Variants in LYPD5 observed in about 807,000 individuals in gnomAD.
LYPD5 encodes LY6/PLAUR domain containing 5.
A neutral mutation model predicts 19.1 loss-of-function variants in LYPD5; 21 were observed. That is an observed-to-expected ratio of 1.10 (90% CI 0.78 to 1.58). The LOEUF is 1.58. Ranked by LOEUF, LYPD5 falls within the 40% of genes most tolerant of loss-of-function variation. LYPD5 has a pLI of 0.00. For missense variants in LYPD5, 287 were observed against 329.8 expected, an observed-to-expected ratio of 0.87 and a Z score of 1.00; for synonymous variants, 128 against 142.7, an observed-to-expected ratio of 0.90 and a Z score of 0.74.
intron 1 of LYPD5, among the ~76,000 whole-genome samples, chr19:43,815,391 C>A (rs750809039): frequency 6.7e-6 from 1 of 149,586 alleles, no homozygotes; most frequent in Non-Finnish European, 1.5e-5. Context: ...ATGGGCAACA[C>A]ACGGAGACCC....
At chr19:43,804,477 A>G (rs1394246992), upstream of LYPD5, among the ~76,000 whole-genome samples, 4 of 152,180 alleles carry the variant, frequency 2.6e-5, no homozygotes, top group African/African-American at 9.7e-5. Flanking sequence ...TAACTCACCT[A>G]GGGCTTAACC....
upstream of LYPD5, among the ~76,000 whole-genome samples, chr19:43,805,762 C>G (rs1970265884): frequency 2.0e-5 from 3 of 152,232 alleles, no homozygotes; most frequent in Admixed American, 1.3e-4. Flanking sequence ...CCCGCCTCGG[C>G]CTCCCAAAGT....
Position 43,802,368 on chromosome 19 carries a change from C to G in LYPD5, c.13G>C (p.Val5Leu). The change falls in exon 1 of 5, where the codon GTC becomes CTC. Residue 5 changes from valine to leucine, a missense_variant. Physicochemically the swap from Val to Leu is conservative, Grantham distance 32. Transcript: ENST00000377950. MAMG[V>L]PRVILLCLFG... ...AGGCAGAGCAGAATGACTCTGGGGA[C>G]CCCCATTGCCATTGCTGAGCTGGGC... 1 of 1,551,602 alleles carries G rather than the reference C, an allele frequency of 6.4e-7. No individual in the cohort carries two copies. The highest frequency in any genetic ancestry group is 8.7e-7 in the Non-Finnish European group (1 of 1,146,944).
rs1239529871 is a variant in LYPD5 at position 43,797,027 on chromosome 19, G to T, written c.*564C>A. 1 of 150,292 alleles carries T rather than the reference G, an allele frequency of 6.7e-6. No individual in the cohort carries two copies. The highest frequency in any genetic ancestry group is 2.1e-4 in the South Asian group (1 of 4,750). 9.3% of individuals were successfully genotyped at this position (150,292 alleles called of 1,614,324 possible). ...GCCTGGCTTAAGTAACTCACCCATGGTCTCTGTAGGCTGAATGCTGGAGCT... is the reference window on the plus strand; with the variant it reads ...GCCTGGCTTAAGTAACTCACCCATGTTCTCTGTAGGCTGAATGCTGGAGCT... On this transcript the variant is annotated 3_prime_UTR_variant, in exon 5 of 5. Transcript: ENST00000377950.
At chr19:43,810,989 C>T (rs1970318879) in intron 1 of LYPD5, among the ~76,000 whole-genome samples, 1 of 152,134 alleles carries the variant, frequency 6.6e-6, no homozygotes, top group African/African-American at 2.4e-5. Context: ...ACAGCGTGAT[C>T]AAACACCTTT....
chr19:43,801,538 CATAGAG>C (rs1970223695), intron 1 of LYPD5, among the ~76,000 whole-genome samples: 1 of 152,102 alleles, frequency 6.6e-6, no homozygotes, highest in South Asian at 2.1e-4. Flanking sequence ...AGCATATATA[CATAGAG>C]ATAAATATAG....
intron 1 of LYPD5, among the ~76,000 whole-genome samples, chr19:43,818,949 A>G (rs1970395703): frequency 6.6e-6 from 1 of 152,204 alleles, no homozygotes; most frequent in Admixed American, 6.5e-5. Flanking sequence ...CTTTCTAGGA[A>G]ATTGACCATT....
At chr19:43,799,098 C>CTCCCTCCG in intron 2 of LYPD5, 110 bp from the exon 3 acceptor site, 12 of 1,015,068 alleles carry the variant, frequency 1.2e-5, no homozygotes, top group African/African-American at 1.9e-5. Context: ...ACCTCCTCCC[C>CTCCCTCCG]TCCCTCCTTC....
chr19:43,807,607 T>C (rs945759202), intron 1 of LYPD5, among the ~76,000 whole-genome samples: 3 of 152,162 alleles, frequency 2.0e-5, no homozygotes, highest in Non-Finnish European at 4.4e-5. Flanking sequence ...AAATAATTTG[T>C]GATAGCTGTG....
chr19:43,802,701 G>T (rs899644839), upstream of LYPD5, among the ~76,000 whole-genome samples: 1 of 151,946 alleles, frequency 6.6e-6, no homozygotes, highest in African/African-American at 2.4e-5. Flanking sequence ...GGCACATATG[G>T]CCTTTTGACT....
At position 43,797,627 on chromosome 19, in the gene LYPD5, G is replaced by A; in HGVS notation, c.720C>T (p.Leu240=). 2 of 1,612,174 alleles carry A rather than the reference G, an allele frequency of 1.2e-6. No homozygotes were observed. Among genetic ancestry groups the A allele is most frequent in the Non-Finnish European group, 1.7e-6 (2 of 1,178,778 alleles). ...PPRALQVLAL[L]LPVLLLVGLS... Reference sequence around the variant, plus strand: ...GCCCCACCAGCAGGAGGACTGGGAGGAGCAGGGCCAGGACCTGTAGTGCTC... The same window carrying A: ...GCCCCACCAGCAGGAGGACTGGGAGAAGCAGGGCCAGGACCTGTAGTGCTC... The change falls in exon 5 of 5, where the codon CTC becomes CTT. Residue 240 remains leucine (L), a synonymous_variant. Coordinates refer to ENST00000377950, the MANE Select transcript of LYPD5 (RefSeq NM_001031749.3).
chr19:43,802,221 A>G, intron 1 of LYPD5, 96 bp downstream of exon 1: 1 of 1,074,896 alleles, frequency 9.3e-7, no homozygotes, highest in South Asian at 1.4e-5. Context: ...CTCCTCCCTC[A>G]GACCCAGGAG....
In LYPD5 at chr19:43,798,802, T is replaced by G; in HGVS notation, c.370+10A>C. 1 of 1,603,924 alleles carries G rather than the reference T, an allele frequency of 6.2e-7. No individual in the cohort carries two copies. Among genetic ancestry groups the G allele is most frequent in the South Asian group, 1.1e-5 (1 of 89,668 alleles). ...TCCCTCCCGGAGCCCAGCCCCGCTC[T>G]CCCGCGCACCTTGGCTCAGGTTGGG... On this transcript the variant is annotated intron_variant, in intron 3 of 4. Coordinates refer to ENST00000377950, the MANE Select transcript of LYPD5 (RefSeq NM_001031749.3).
At chr19:43,812,276 G>A (rs1476612184) in intron 1 of LYPD5, among the ~76,000 whole-genome samples, 1 of 152,096 alleles carries the variant, frequency 6.6e-6, no homozygotes, top group Non-Finnish European at 1.5e-5. Context: ...CAGAGTCAGT[G>A]CAGAAGGACA....
upstream of LYPD5, among the ~76,000 whole-genome samples, chr19:43,807,276 C>CTTTTT (rs1251451176): frequency 3.5e-5 from 5 of 144,090 alleles, no homozygotes. Flanking sequence ...CTTTTCTTTT[C>CTTTTT]TTTTCTTTTT....
At chr19:43,798,752 C>T (rs759860451) in intron 3 of LYPD5, 60 bp downstream of exon 3, 1 of 1,572,252 alleles carries the variant, frequency 6.4e-7, no homozygotes, top group Non-Finnish European at 8.6e-7. Context: ...CCACGCCTTC[C>T]CCGAGGCTGC....
intron 1 of LYPD5, among the ~76,000 whole-genome samples, chr19:43,815,989 C>A (rs917823372): frequency 6.6e-6 from 1 of 152,150 alleles, no homozygotes; most frequent in Non-Finnish European, 1.5e-5. Context: ...CCGCCTTGGC[C>A]TCCCAAACTG....
rs1196213192 is a variant in LYPD5 at position 43,797,714 on chromosome 19, G to A, written c.633C>T (p.Tyr211=). 2 of 1,613,858 alleles carry A rather than the reference G, an allele frequency of 1.2e-6. No homozygotes were observed. Among genetic ancestry groups the A allele is most frequent in the Non-Finnish European group, 1.7e-6 (2 of 1,179,888 alleles). The change falls in exon 5 of 5, where the codon TAC becomes TAT. Residue 211 remains tyrosine, a synonymous_variant. Transcript: ENST00000377950. ...GGGTCATGGATTTCCTGTTGCAGAGGTACCCCTCACAGCAGGAGCCCTGGA... is the reference window on the plus strand; with the variant it reads ...GGGTCATGGATTTCCTGTTGCAGAGATACCCCTCACAGCAGGAGCCCTGGA... The part of the protein sequence containing the change: ...IDLQGSCCEG[Y]LCNRKSMTQP...
intron 2 of LYPD5, among the ~76,000 whole-genome samples, chr19:43,799,479 G>C (rs1022599284): frequency 6.6e-5 from 10 of 152,028 alleles, no homozygotes; most frequent in Non-Finnish European, 1.5e-4. Context: ...TTCTGACCTC[G>C]TGATTCGCCA....
Sources: gnomAD v4.1 joint callset for allele counts (sites outside exome capture counted in the v4.1 genomes callset) on GRCh38, gnomAD v4.1.1 for gene constraint, MANE v1.5 for transcripts, NCBI Gene and HGNC (gene_info 2026-07-23, HGNC 2026-07-21) for gene names.